ADAM19: variants seen among roughly 807,000 people sequenced by gnomAD.
ADAM19 encodes the protein disintegrin and metalloproteinase domain-containing protein 19.
ADAM19 carries 65 observed loss-of-function variants against 114.7 expected under a neutral mutation model. The observed-to-expected ratio is 0.57, with a 90% confidence interval of 0.46 to 0.70. The LOEUF is 0.70. Among genes scored for constraint, ADAM19 ranks in the 30% least tolerant of loss-of-function variants. ADAM19 has a pLI of 0.00. For missense variants in ADAM19, 1,063 were observed against 1,204.7 expected (o/e 0.88, Z 1.74); for synonymous variants, 466 against 460.5 (o/e 1.01, Z -0.15).
intron 22 of ADAM19, chr5:157,481,373 A>C (rs1215888371): frequency 6.8e-6 from 4 of 586,376 alleles, no homozygotes; most frequent in Non-Finnish European, 1.2e-5. Context: ...CACACAGAAG[A>C]AGTACGAGGA....
At chr5:157,560,108 AC>A (rs1364814743) in intron 3 of ADAM19, among the ~76,000 whole-genome samples, 6 of 151,248 alleles carry the variant, frequency 4.0e-5, no homozygotes, top group African/African-American at 1.5e-4. Flanking sequence ...TACTAAAAAT[AC>A]AAAAAATTAG....
chr5:157,575,579 A>G (rs1418640534), intron 1 of ADAM19, 24 bp downstream of exon 1: 3 of 1,447,952 alleles, frequency 2.1e-6, no homozygotes, highest in Admixed American at 5.2e-5. Context: ...CCCAGCCTCC[A>G]TCCCCCCGCG....
intron 18 of ADAM19, 150 bp downstream of exon 18, chr5:157,491,465 C>G: frequency 1.8e-6 from 1 of 564,334 alleles, no homozygotes; most frequent in Non-Finnish European, 3.0e-6. Flanking sequence ...AGTCGCTCCT[C>G]TCTCTTGGTC....
rs983187024 is a variant in ADAM19, at chr5:157,477,836, G to T, written c.*3113C>A. 1.7e-5 allele frequency: 13 copies of T among 755,956 alleles called. No homozygotes were observed. The African/African-American group carries it at 2.3e-4, about 14-fold the overall frequency. The allele number at this position is 755,956 out of a possible 1,614,324, so 46.8% of individuals were successfully genotyped here. A position where few individuals can be genotyped will look rare whatever the true frequency, so the allele number is the denominator to read the frequency against. On this transcript the variant is annotated 3_prime_UTR_variant, in exon 23 of 23. Coordinates refer to ENST00000257527, the MANE Select transcript of ADAM19 (RefSeq NM_033274.5). ...GTGGGGAGGGGCTATTGCTTCAGGGGGAAGGGACTATGGCAATACAAAAAA... is the reference window on the plus strand; with the variant it reads ...GTGGGGAGGGGCTATTGCTTCAGGGTGAAGGGACTATGGCAATACAAAAAA...
At chr5:157,569,139 T>A (rs1757750998) in intron 2 of ADAM19, 1 of 152,188 alleles carries the variant, frequency 6.6e-6, no homozygotes, top group Admixed American at 6.5e-5. Context: ...AGACTTTTCC[T>A]GAAGCTATTT....
At chr5:157,482,523 T>G (rs573034828) in intron 21 of ADAM19, among the ~76,000 whole-genome samples, 95 of 152,358 alleles carry the variant, frequency 6.2e-4, no homozygotes, top group African/African-American at 2.0e-3. Flanking sequence ...CTTCTAGGGT[T>G]TTTATGGTTT....
At position 157,488,280 on chromosome 5, in the gene ADAM19, AT is replaced by A; in HGVS notation, c.2534del (p.Asn845IlefsTer69). ...PPSRPIPPAP[N>X]CIVSQDFSRP... ...ATCCACTTACCTGGGAAACGATGCAATTTGGTGCGGGGGGAATTGGCCGGCT... is the reference window on the plus strand; with the variant it reads ...ATCCACTTACCTGGGAAACGATGCAATTGGTGCGGGGGGAATTGGCCGGCT... On this transcript the variant is annotated frameshift_variant, in exon 21 of 23. Transcript: ENST00000257527. LOFTEE classifies it high-confidence loss of function. 6.2e-7 allele frequency: 1 copy of A among 1,613,186 alleles called. No individual in the cohort carries two copies. The highest frequency in any genetic ancestry group is 8.5e-7 in the Non-Finnish European group (1 of 1,179,286).
chr5:157,553,422 TA>T (rs1440055765), intron 3 of ADAM19, among the ~76,000 whole-genome samples: 2 of 152,226 alleles, frequency 1.3e-5, no homozygotes, highest in African/African-American at 4.8e-5. Flanking sequence ...TTAATTTTTT[TA>T]AATATGATAA....
At chr5:157,542,477 G>A (rs1756942612) in intron 3 of ADAM19, among the ~76,000 whole-genome samples, 1 of 152,224 alleles carries the variant, frequency 6.6e-6, no homozygotes, top group South Asian at 2.1e-4. Flanking sequence ...GCCTGGAAAT[G>A]AAGCAAAAGA....
chr5:157,571,822 T>A (rs1214802977), intron 1 of ADAM19, among the ~76,000 whole-genome samples: 1 of 152,180 alleles, frequency 6.6e-6, no homozygotes, highest in Non-Finnish European at 1.5e-5. Flanking sequence ...GTCAAGCCCA[T>A]GAATACTGCT....
rs11465235 is a variant in ADAM19 at position 157,574,216 on chromosome 5, C to A, written c.94+1387G>T. ...AACTGTGGATTTGGGGGTTGCAGATCATTTTCTTTTACACTTTTCGTTATT... is the reference window on the plus strand; with the variant it reads ...AACTGTGGATTTGGGGGTTGCAGATAATTTTCTTTTACACTTTTCGTTATT... On this transcript the variant is annotated intron_variant, in intron 1 of 22. Coordinates refer to ENST00000257527, the MANE Select transcript of ADAM19 (RefSeq NM_033274.5). Among the ~76,000 whole-genome samples the A allele has an allele frequency of 4.4e-3, 677 of 152,300 alleles. 4 individuals are homozygous for A. Among genetic ancestry groups the A allele is most frequent in the African/African-American group, 0.015 (623 of 41,560 alleles).
intron 8 of ADAM19, among the ~76,000 whole-genome samples, chr5:157,510,498 C>T (rs1228493648): frequency 6.6e-6 from 1 of 152,120 alleles, no homozygotes; most frequent in Non-Finnish European, 1.5e-5. Flanking sequence ...TAAAATAAAG[C>T]CATCGCCATC....
intron 3 of ADAM19, among the ~76,000 whole-genome samples, chr5:157,563,655 C>G (rs1371755425): frequency 6.6e-6 from 1 of 152,108 alleles, no homozygotes; most frequent in African/African-American, 2.4e-5. Context: ...CAGAGTCCCC[C>G]GGCCAAGTAA....
Position 157,575,214 on chromosome 5 carries a change from G to T in ADAM19, c.94+389C>A, listed in dbSNP as rs554097467. ...GGCGCTCGGGATGCTCGGCGTTGGC[G>T]AGTGCAGCGGGCGGTAGAGAGAAAG... On this transcript the variant is annotated intron_variant, in intron 1 of 22. Transcript: ENST00000257527. Among the ~76,000 whole-genome samples the T allele has an allele frequency of 7.2e-5, 11 of 152,338 alleles. No individual in the cohort carries two copies. In the South Asian group the frequency reaches 2.3e-3, roughly 32 times the overall value.
At chr5:157,509,555 TA>T (rs1755850095) in intron 8 of ADAM19, 88 bp from the exon 9 acceptor site, 6 of 1,064,118 alleles carry the variant, frequency 5.6e-6, no homozygotes, top group Non-Finnish European at 7.4e-6. Context: ...AGCTTGAGAT[TA>T]AAAAGAAAAA....
chr5:157,563,637 A>G (rs137981586), intron 3 of ADAM19, among the ~76,000 whole-genome samples: 1 of 152,182 alleles, frequency 6.6e-6, no homozygotes, highest in Non-Finnish European at 1.5e-5. Context: ...GGAAACACCA[A>G]ATGTTTTCAG....
chr5:157,571,164 T>C (rs1182498371), intron 1 of ADAM19, among the ~76,000 whole-genome samples, 184 bp from the exon 2 acceptor site: 1 of 152,162 alleles, frequency 6.6e-6, no homozygotes, highest in East Asian at 1.9e-4. Flanking sequence ...AAATAGGACA[T>C]ATAAGGTCTC....
At chr5:157,481,367 C>CAGA (rs1262045906) in intron 22 of ADAM19, 5 of 584,768 alleles carry the variant, frequency 8.6e-6, no homozygotes, top group Non-Finnish European at 1.5e-5. Flanking sequence ...GTCAGCCACA[C>CAGA]AGAAGAAGTA....
chr5:157,513,307 C>T (rs916162627), intron 8 of ADAM19, 127 bp downstream of exon 8: 1 of 856,096 alleles, frequency 1.2e-6, no homozygotes, highest in Non-Finnish European at 1.9e-6. Flanking sequence ...CGCCCTGGGC[C>T]TCTATGGCAC....
Sources: gnomAD v4.1 joint callset for allele counts (sites outside exome capture counted in the v4.1 genomes callset) on GRCh38, gnomAD v4.1.1 for gene constraint, MANE v1.5 for transcripts, NCBI Gene and HGNC (gene_info 2026-07-23, HGNC 2026-07-21) for gene names.